The following BCLAF3 variants were observed in gnomAD, a reference collection of about 807,000 sequenced individuals.
The protein encoded by BCLAF3 is transient octamer binding factor 1.
Under a neutral mutation model 51.2 loss-of-function variants are expected in BCLAF3, and 24 were observed. The ratio of observed to expected loss-of-function variants is 0.47; its 90% CI spans 0.34 to 0.66. BCLAF3 has a LOEUF of 0.66. Ranked by LOEUF, BCLAF3 falls within the 30% of genes least tolerant of loss-of-function variation. BCLAF3 has a pLI of 0.01. For synonymous variants in BCLAF3, 152 were observed against 176.6 expected (o/e 0.86, Z 1.10); for missense variants, 465 against 525.1 (o/e 0.89, Z 1.12).
chrX:19,982,510 T>C (rs2072643755), intron 1 of BCLAF3, among the ~76,000 whole-genome samples: 1 of 108,617 alleles, frequency 9.2e-6, no homozygotes, highest in Admixed American at 1.0e-4. Flanking sequence ...ATTCCACAGT[T>C]GTCTATCATT....
intron 1 of BCLAF3, among the ~76,000 whole-genome samples, chrX:19,981,670 G>C (rs2072616505): frequency 8.9e-6 from 1 of 112,055 alleles, no homozygotes; most frequent in Non-Finnish European, 1.9e-5. Context: ...CTATACAATG[G>C]AATATGTATC....
intron 1 of BCLAF3, among the ~76,000 whole-genome samples, chrX:19,974,328 T>A (rs1368091196): frequency 9.0e-6 from 1 of 111,623 alleles, no homozygotes; most frequent in African/African-American, 3.3e-5. Flanking sequence ...GTTCTCAAAC[T>A]TTAGTGTGCA....
intron 8 of BCLAF3, among the ~76,000 whole-genome samples, chrX:19,940,066 G>T (rs1343690431): frequency 1.8e-5 from 2 of 111,435 alleles, no homozygotes; most frequent in African/African-American, 3.3e-5. Flanking sequence ...ACTTAAAAAT[G>T]GTTAAAATGG....
chrX:19,954,894 T>C (rs2071609922), intron 5 of BCLAF3, among the ~76,000 whole-genome samples: 1 of 111,860 alleles, frequency 8.9e-6, no homozygotes, highest in Non-Finnish European at 1.9e-5. Flanking sequence ...ATTAAAAGTA[T>C]TTATTACGCA....
intron 11 of BCLAF3, among the ~76,000 whole-genome samples, chrX:19,921,135 A>G (rs995592809): frequency 8.9e-6 from 1 of 111,957 alleles, no homozygotes; most frequent in African/African-American, 3.2e-5. Flanking sequence ...AGACCTGGCT[A>G]ACAAGTTTGG....
At chrX:19,984,242 A>G (rs897489748) in intron 1 of BCLAF3, among the ~76,000 whole-genome samples, 6 of 110,902 alleles carry the variant, frequency 5.4e-5, no homozygotes, top group African/African-American at 1.6e-4. Flanking sequence ...TTATATAAAC[A>G]TAACACAGCA....
At chrX:19,934,503 CAT>C (rs765778399) in intron 10 of BCLAF3, among the ~76,000 whole-genome samples, 1 of 112,360 alleles carries the variant, frequency 8.9e-6, no homozygotes, top group African/African-American at 3.2e-5. Context: ...TCGTGTCACA[CAT>C]GTAATTTTAG....
chrX:19,931,666 G>T (rs1294089638), intron 10 of BCLAF3, among the ~76,000 whole-genome samples: 1 of 112,152 alleles, frequency 8.9e-6, no homozygotes, highest in Non-Finnish European at 1.9e-5. Flanking sequence ...GAGAAGGAAA[G>T]ACTTTGGTGA....
chrX:19,935,934 C>G, intron 9 of BCLAF3, 36 bp from the exon 10 acceptor site: 2 of 1,053,807 alleles, frequency 1.9e-6, no homozygotes, highest in Non-Finnish European at 2.6e-6. Context: ...GGTTAACAGA[C>G]TTTAAAGTTT....
At chrX:19,917,392 T>C in intron 11 of BCLAF3, 58 bp from the exon 12 acceptor site, 2 of 996,773 alleles carry the variant, frequency 2.0e-6, no homozygotes, top group Non-Finnish European at 2.8e-6. Context: ...ACATCTGAGC[T>C]AGTTTTGTTT....
rs781135503 is a variant in BCLAF3 at position 19,933,124 on chromosome X, T to C, written c.1950+2685A>G. Among the ~76,000 whole-genome samples the C allele has an allele frequency of 3.6e-5, 4 of 112,100 alleles. No homozygotes were observed. In the South Asian group the frequency reaches 1.1e-3, roughly 31 times the overall value. On this transcript the variant is annotated intron_variant, in intron 10 of 11. Transcript: ENST00000379682. The stretch of plus-strand genomic sequence containing the variant: ...TTGCTTTTTAACAAGAAGACAGTTA[T>C]GAAGTTGTGAAAGGGAAGAACTGGC...
intron 7 of BCLAF3, 105 bp from the exon 8 acceptor site, chrX:19,950,973 A>G (rs947866502): frequency 1.3e-5 from 6 of 469,254 alleles, no homozygotes; most frequent in African/African-American, 9.5e-5. Context: ...GTTACCTTGT[A>G]CTCATCCTGC....
intron 11 of BCLAF3, among the ~76,000 whole-genome samples, chrX:19,928,301 G>A (rs752205251): frequency 2.7e-4 from 30 of 110,640 alleles, no homozygotes; most frequent in Non-Finnish European, 4.5e-4. Flanking sequence ...AAGAGTTATC[G>A]GCCAGGCGTG....
chrX:19,920,013 A>G (rs2070089002), intron 11 of BCLAF3, among the ~76,000 whole-genome samples: 1 of 111,630 alleles, frequency 9.0e-6, no homozygotes, highest in Non-Finnish European at 1.9e-5. Context: ...ATGGGTGCTG[A>G]AACTGTTTGT....
intron 1 of BCLAF3, among the ~76,000 whole-genome samples, chrX:19,988,712 TAAGAA>T (rs2072873891): frequency 8.9e-6 from 1 of 112,220 alleles, no homozygotes; most frequent in South Asian, 3.7e-4. Context: ...AAATAATCCT[TAAGAA>T]AAGTAAGGCA....
At chrX:19,940,843 C>T (rs2071004191) in intron 8 of BCLAF3, among the ~76,000 whole-genome samples, 1 of 111,479 alleles carries the variant, frequency 9.0e-6, no homozygotes, top group Non-Finnish European at 1.9e-5. Flanking sequence ...GAGGAATTGC[C>T]ACACTGACTT....
Position 19,965,507 on chromosome X carries a change from T to C in BCLAF3, c.811A>G (p.Thr271Ala). The change falls in exon 4 of 12, where the codon ACC becomes GCC. Residue 271 changes from threonine (T) to alanine (A), a missense_variant. Coordinates refer to ENST00000379682, the MANE Select transcript of BCLAF3 (RefSeq NM_001367774.2). ...YRHAEREHPE[T>A]SSATKVSYDY... ...TAGGATACTTTGGTTGCTGAACTGG[T>C]CTCTGGGTGTTCCCTCTCAGCATGT... 1 of 1,208,576 alleles carries C rather than the reference T, an allele frequency of 8.3e-7. No homozygotes were observed. The highest frequency in any genetic ancestry group is 1.1e-6 in the Non-Finnish European group (1 of 894,338).
intron 6 of BCLAF3, 76 bp downstream of exon 6, chrX:19,953,702 A>T (rs1053135913): frequency 3.1e-5 from 25 of 800,994 alleles, no homozygotes; most frequent in Non-Finnish European, 3.9e-5. Flanking sequence ...AGGTTCGGAA[A>T]GCAGCCCCTT....
Position 19,914,700 on chromosome X carries a change from T to C in BCLAF3, c.*2605A>G, listed in dbSNP as rs1362667819. ...GGGCAATTCTTCAAATTGAAATTTATGTTGAAGTAACTCTAGATTCACATG... is the reference window on the plus strand; with the variant it reads ...GGGCAATTCTTCAAATTGAAATTTACGTTGAAGTAACTCTAGATTCACATG... On this transcript the variant is annotated 3_prime_UTR_variant, in exon 12 of 12. Transcript: ENST00000379682. 1 of 111,556 alleles carries C rather than the reference T, an allele frequency of 9.0e-6. No individual in the cohort carries two copies. The highest frequency in any genetic ancestry group is 9.6e-5 in the Admixed American group (1 of 10,366). The allele number at this position is 111,556 out of a possible 1,213,427, so 9.2% of individuals were successfully genotyped here. A position where few individuals can be genotyped will look rare whatever the true frequency, so the allele number is the denominator to read the frequency against.
Sources: gnomAD v4.1 joint callset for allele counts (sites outside exome capture counted in the v4.1 genomes callset) on GRCh38, gnomAD v4.1.1 for gene constraint, MANE v1.5 for transcripts, NCBI Gene and HGNC (gene_info 2026-07-23, HGNC 2026-07-21) for gene names.